Variants in PAAF1 observed in about 807,000 individuals in gnomAD.
The protein encoded by PAAF1 is proteasomal ATPase associated factor 1.
In PAAF1, 46 loss-of-function variants were observed where a neutral mutation model predicts 52.8. The observed-to-expected ratio is 0.87, with a 90% confidence interval of 0.69 to 1.11. PAAF1 has a LOEUF of 1.11. Among genes scored for constraint, PAAF1 ranks in the 50% most tolerant of loss-of-function variants. PAAF1 has a pLI of 0.00. For synonymous variants in PAAF1, 178 were observed against 172.8 expected (o/e 1.03, Z -0.24); for missense variants, 424 against 477.4 (o/e 0.89, Z 1.04).
chr11:73,884,501 T>TA (rs948574365), intron 2 of PAAF1, among the ~76,000 whole-genome samples: 35 of 151,976 alleles, frequency 2.3e-4, no homozygotes, highest in African/African-American at 7.0e-4. Flanking sequence ...TCTCAAATAT[T>TA]AAAAAAATAC....
intron 4 of PAAF1, among the ~76,000 whole-genome samples, chr11:73,895,951 A>AG (rs1174034034): frequency 6.6e-6 from 1 of 152,220 alleles, no homozygotes; most frequent in Non-Finnish European, 1.5e-5. Context: ...TCCAAAAAAA[A>AG]GTTAAAAAAT....
chr11:73,906,189 A>G (rs1052932427), intron 6 of PAAF1, among the ~76,000 whole-genome samples: 1 of 152,208 alleles, frequency 6.6e-6, no homozygotes, highest in African/African-American at 2.4e-5. Context: ...CAGTGGGTAT[A>G]TAGCTGTGAG....
At chr11:73,900,055 C>T (rs1377007399) in intron 5 of PAAF1, among the ~76,000 whole-genome samples, 5 of 148,556 alleles carry the variant, frequency 3.4e-5, no homozygotes, top group African/African-American at 7.5e-5. Flanking sequence ...GAATTCAGTT[C>T]TATAACCTCT....
In PAAF1 at chr11:73,909,397, A is replaced by G. The variant is rs1387864671; in HGVS notation, c.533-2A>G. The G allele has an allele frequency of 6.2e-7, 1 of 1,613,500 alleles. No individual in the cohort carries two copies. Among genetic ancestry groups the G allele is most frequent in the East Asian group, 2.2e-5 (1 of 44,862 alleles). On this transcript the variant is annotated splice_acceptor_variant, in intron 6 of 11. Transcript: ENST00000310571. LOFTEE classifies it high-confidence loss of function. ...TCTTAGGGAGTTTTTTTCTCTTGCT[A>G]GGTATCCTGGATACAGCCATCGTTG...
At chr11:73,918,352 ATTTTTTTTTTTTTTT>A (rs1157984685) in intron 9 of PAAF1, among the ~76,000 whole-genome samples, 16 of 71,734 alleles carry the variant, frequency 2.2e-4, no homozygotes, top group South Asian at 6.7e-4. Flanking sequence ...CAGTTACTTA[ATTTTTTTTTTTTTTT>A]TTTTTTTTTT....
chr11:73,922,276 C>G (rs2135232378), intron 10 of PAAF1: 2 of 546,296 alleles, frequency 3.7e-6, no homozygotes, highest in Non-Finnish European at 6.9e-6. Context: ...CAAGGCATAA[C>G]TTCCAGTACT....
intron 11 of PAAF1, 125 bp from the exon 12 acceptor site, chr11:73,927,160 A>T (rs964972169): frequency 4.2e-6 from 3 of 711,672 alleles, no homozygotes; most frequent in African/African-American, 3.5e-5. Flanking sequence ...TATGGATGTA[A>T]TTCTGTTGCC....
At chr11:73,900,633 A>C (rs1565137611) in intron 6 of PAAF1, among the ~76,000 whole-genome samples, 1 of 152,142 alleles carries the variant, frequency 6.6e-6, no homozygotes, top group African/African-American at 2.4e-5. Context: ...TTGGTTTGAT[A>C]CCTAAAGCCT....
rs201021789 is a variant in PAAF1 at position 73,877,075 on chromosome 11, C to A, written c.47+7C>A. The A allele has an allele frequency of 4.0e-5, 62 of 1,535,286 alleles. 1 individual carries two copies. In the Admixed American group the frequency reaches 1.0e-3, roughly 26 times the overall value. On this transcript the variant is annotated splice_region_variant and intron_variant, in intron 1 of 11. Transcript: ENST00000310571. ...ACTGGGCGCAAGCCCTCAGGTGAAT[C>A]CAGGCCCAGAACAGAGTCAGAGGAG...
rs374453272 is a variant in PAAF1 at position 73,910,944 on chromosome 11, C to T, written c.727+1351C>T. Reference sequence around the variant, plus strand: ...GGAGGAAGTTGCAGTGAGCTGAGATCGCTCCATTGCACTCCAGCCCAGGCG... The same window carrying T: ...GGAGGAAGTTGCAGTGAGCTGAGATTGCTCCATTGCACTCCAGCCCAGGCG... On this transcript the variant is annotated intron_variant, in intron 7 of 11. Coordinates refer to ENST00000310571, the MANE Select transcript of PAAF1 (RefSeq NM_025155.3). Among the ~76,000 whole-genome samples, 58 of 147,392 alleles carry T rather than the reference C, an allele frequency of 3.9e-4. 1 individual carries two copies. The East Asian group carries it at 6.0e-3, about 15-fold the overall frequency.
rs147645028 is a variant in PAAF1 at position 73,889,164 on chromosome 11, A to G, written c.192+1707A>G. 257 of 1,527,102 alleles carry G rather than the reference A, an allele frequency of 1.7e-4. 2 individuals are homozygous for G. In the African/African-American group the frequency reaches 3.3e-3, roughly 19 times the overall value. 94.6% of individuals were successfully genotyped at this position (1,527,102 alleles called of 1,614,324 possible). A position where few individuals can be genotyped will look rare whatever the true frequency, so the allele number is the denominator to read the frequency against. On this transcript the variant is annotated intron_variant, in intron 3 of 11. Coordinates refer to ENST00000310571, the MANE Select transcript of PAAF1 (RefSeq NM_025155.3). The stretch of plus-strand genomic sequence containing the variant: ...GGGTGCTGACTTCTTTCTTCCCTTC[A>G]TACTCAGACCTGGATACAGTCTTTA...
intron 4 of PAAF1, among the ~76,000 whole-genome samples, chr11:73,897,894 T>C (rs1343614792): frequency 1.3e-5 from 2 of 152,034 alleles, no homozygotes; most frequent in East Asian, 1.9e-4. Flanking sequence ...TGGGGCACCA[T>C]TGAGCACTGA....
chr11:73,908,371 A>ATGTATATATATGTGTGTATATATATATG (rs1949829918), intron 6 of PAAF1, among the ~76,000 whole-genome samples: 3 of 141,970 alleles, frequency 2.1e-5, no homozygotes, highest in South Asian at 2.2e-4. Flanking sequence ...GTATATATAT[A>ATGTATATATATGTGTGTATATATATATG]TGTATATATA....
chr11:73,924,532 A>T, intron 10 of PAAF1, 83 bp from the exon 11 acceptor site: 2 of 1,164,434 alleles, frequency 1.7e-6, no homozygotes, highest in Non-Finnish European at 1.3e-6. Flanking sequence ...CTAGTGATCT[A>T]CAGAAGCAAA....
intron 10 of PAAF1, chr11:73,921,931 G>T: frequency 9.5e-7 from 1 of 1,055,318 alleles, no homozygotes; most frequent in Non-Finnish European, 1.4e-6. Context: ...TTGGCTTTTG[G>T]AATTGCACTT....
intron 4 of PAAF1, among the ~76,000 whole-genome samples, chr11:73,896,970 G>GC (rs1231730964): frequency 3.6e-5 from 5 of 137,678 alleles, no homozygotes; most frequent in African/African-American, 1.4e-4. Context: ...GGCTGGCCGG[G>GC]CGGGGGGGCT....
At chr11:73,899,498 GCCT>G (rs892937489) in intron 5 of PAAF1, among the ~76,000 whole-genome samples, 1 of 137,494 alleles carries the variant, frequency 7.3e-6, no homozygotes, top group Non-Finnish European at 1.5e-5. Context: ...TGCAACCTCC[GCCT>G]CCTGGGTTCA....
At chr11:73,894,872 T>C (rs528695338) in intron 4 of PAAF1, among the ~76,000 whole-genome samples, 1 of 152,238 alleles carries the variant, frequency 6.6e-6, no homozygotes, top group South Asian at 2.1e-4. Context: ...TAGTCCCAGC[T>C]GCTCGAGAGG....
chr11:73,878,896 C>T lies in PAAF1; in HGVS notation c.88+77C>T, dbSNP rs964790160. On this transcript the variant is annotated intron_variant, in intron 2 of 11. Transcript: ENST00000310571. The stretch of plus-strand genomic sequence containing the variant: ...CCCTTAAAAGAAAGCTTCCTACTTT[C>T]TCCTGGCCCAGCCTCCTTACATAAT... The T allele has an allele frequency of 7.8e-6, 11 of 1,408,704 alleles. No homozygotes were observed. In the African/African-American group the frequency reaches 1.6e-4, roughly 20 times the overall value. 87.3% of individuals were successfully genotyped at this position (1,408,704 alleles called of 1,614,324 possible).
Sources: gnomAD v4.1 joint callset for allele counts (sites outside exome capture counted in the v4.1 genomes callset) on GRCh38, gnomAD v4.1.1 for gene constraint, MANE v1.5 for transcripts, NCBI Gene and HGNC (gene_info 2026-07-23, HGNC 2026-07-21) for gene names.